The following KCNMA1 variants were observed in gnomAD, a reference collection of about 807,000 sequenced individuals.
KCNMA1 encodes the protein potassium calcium-activated channel subfamily M alpha 1.
In KCNMA1, 29 loss-of-function variants were observed where a neutral mutation model predicts 140.0. The ratio of observed to expected loss-of-function variants is 0.21; its 90% confidence interval spans 0.15 to 0.28. The LOEUF (loss-of-function observed/expected upper bound fraction) is 0.28, where lower values mean the gene tolerates loss of function less well. Ranked by LOEUF, KCNMA1 falls within the 10% of genes least tolerant of loss-of-function variation. The pLI is 1.00. For synonymous variants in KCNMA1, 612 were observed against 611.9 expected, an observed-to-expected ratio of 1.00 and a Z score of 0.00; for missense variants, 880 against 1,602.2, an observed-to-expected ratio of 0.55 and a Z score of 7.70.
intron 1 of KCNMA1, among the ~76,000 whole-genome samples, chr10:77,599,786 G>A (rs924294310): frequency 1.3e-5 from 2 of 152,070 alleles, no homozygotes; most frequent in Non-Finnish European, 2.9e-5. Context: ...GCCTTTCAGG[G>A]TCAGGAGGAA....
At chr10:77,393,998 A>T (rs1445752802) in intron 2 of KCNMA1, among the ~76,000 whole-genome samples, 1 of 152,204 alleles carries the variant, frequency 6.6e-6, no homozygotes, top group Non-Finnish European at 1.5e-5. Flanking sequence ...TCTGTATACT[A>T]GGGAACACCA....
chr10:77,167,790 C>A lies in KCNMA1; in HGVS notation c.808+15631G>T, dbSNP rs2098659991. Among the ~76,000 whole-genome samples the A allele has an allele frequency of 2.0e-5, 3 of 151,816 alleles. No individual in the cohort carries two copies. The South Asian group carries it at 6.2e-4, about 32-fold the overall frequency. ...TGCAGCCTCGACTTCCTCGAGCAAT[C>A]CTTCCACCTCAGCCCCCAAATAGCA... is the stretch of plus-strand genomic sequence containing the variant. On this transcript the variant is annotated intron_variant, in intron 5 of 27. Coordinates refer to ENST00000286628, the MANE Select transcript of KCNMA1 (RefSeq NM_001161352.2).
At chr10:77,614,346 G>A (rs2088433473) in intron 1 of KCNMA1, among the ~76,000 whole-genome samples, 1 of 152,122 alleles carries the variant, frequency 6.6e-6, no homozygotes, top group Non-Finnish European at 1.5e-5. Flanking sequence ...GAAGATGTAT[G>A]TCCTGTCTCA....
intron 5 of KCNMA1, among the ~76,000 whole-genome samples, chr10:77,127,669 G>A (rs979690952): frequency 6.6e-6 from 1 of 151,896 alleles, no homozygotes; most frequent in African/African-American, 2.4e-5. Flanking sequence ...GGGAGAGAAC[G>A]AGGGTAAGAA....
chr10:77,211,769 C>T (rs2046151844), intron 3 of KCNMA1, among the ~76,000 whole-genome samples: 1 of 151,944 alleles, frequency 6.6e-6, no homozygotes, highest in Non-Finnish European at 1.5e-5. Flanking sequence ...CAAATAATCC[C>T]ACTAAAAAAT....
At chr10:77,490,188 A>G (rs1211919838) in intron 1 of KCNMA1, among the ~76,000 whole-genome samples, 1 of 152,160 alleles carries the variant, frequency 6.6e-6, no homozygotes, top group East Asian at 1.9e-4. Context: ...GGCTCCCACC[A>G]CTTTTAACAG....
chr10:77,225,227 G>T (rs968464870), intron 3 of KCNMA1, among the ~76,000 whole-genome samples: 5 of 152,190 alleles, frequency 3.3e-5, no homozygotes, highest in African/African-American at 4.8e-5. Flanking sequence ...ATGGCCAGGG[G>T]AGACTGGGCA....
At chr10:77,338,109 G>T (rs955091580) in intron 2 of KCNMA1, among the ~76,000 whole-genome samples, 1 of 152,200 alleles carries the variant, frequency 6.6e-6, no homozygotes, top group African/African-American at 2.4e-5. Flanking sequence ...TGTAAGGGAA[G>T]GGGTGAGTGA....
intron 20 of KCNMA1, among the ~76,000 whole-genome samples, chr10:76,956,035 T>C (rs2068139813): frequency 6.6e-6 from 1 of 152,096 alleles, no homozygotes. Flanking sequence ...AGAACTATGT[T>C]CCCATAATAT....
At chr10:77,483,578 C>T (rs991921728) in intron 1 of KCNMA1, among the ~76,000 whole-genome samples, 9 of 152,182 alleles carry the variant, frequency 5.9e-5, no homozygotes, top group Non-Finnish European at 1.3e-4. Flanking sequence ...ACTGGGCCCT[C>T]AGTACTCTCA....
At chr10:76,966,456 AC>A (rs2073958192) in intron 20 of KCNMA1, among the ~76,000 whole-genome samples, 1 of 152,174 alleles carries the variant, frequency 6.6e-6, no homozygotes, top group Admixed American at 6.5e-5. Flanking sequence ...GATCAAGTGT[AC>A]TTTTTATTTT....
intron 26 of KCNMA1, among the ~76,000 whole-genome samples, chr10:76,890,805 G>T (rs1212257601): frequency 6.6e-6 from 1 of 152,212 alleles, no homozygotes; most frequent in Non-Finnish European, 1.5e-5. Flanking sequence ...GAATCAGAAG[G>T]GAGACGCTGG....
intron 1 of KCNMA1, among the ~76,000 whole-genome samples, chr10:77,450,705 A>G (rs1030327547): frequency 1.6e-4 from 25 of 152,286 alleles, no homozygotes; most frequent in Non-Finnish European, 2.8e-4. Flanking sequence ...GACCCACCCA[A>G]AGAGTCATAC....
intron 1 of KCNMA1, among the ~76,000 whole-genome samples, chr10:77,485,224 C>T (rs1360468417): frequency 1.3e-5 from 2 of 152,208 alleles, no homozygotes; most frequent in East Asian, 3.8e-4. Flanking sequence ...CCATATGGTG[C>T]TCATATTACA....
intron 3 of KCNMA1, among the ~76,000 whole-genome samples, chr10:77,224,772 T>C (rs947292294): frequency 6.6e-6 from 1 of 152,186 alleles, no homozygotes; most frequent in Non-Finnish European, 1.5e-5. Flanking sequence ...ACTTAGTTAA[T>C]CTGCACCCTA....
intron 1 of KCNMA1, among the ~76,000 whole-genome samples, chr10:77,575,813 C>T (rs2073881237): frequency 6.6e-6 from 1 of 152,234 alleles, no homozygotes; most frequent in Admixed American, 6.5e-5. Context: ...ATCGATCTCA[C>T]TGGTGCCTCA....
At chr10:77,563,544 G>C (rs1361650051) in intron 1 of KCNMA1, among the ~76,000 whole-genome samples, 2 of 151,762 alleles carry the variant, frequency 1.3e-5, no homozygotes, top group Non-Finnish European at 2.9e-5. Context: ...GTCCCTCCCA[G>C]CCCTAGCCCC....
chr10:77,418,657 GAA>G (rs1433622613), intron 1 of KCNMA1, among the ~76,000 whole-genome samples: 1 of 152,182 alleles, frequency 6.6e-6, no homozygotes, highest in Admixed American at 6.5e-5. Flanking sequence ...GTTGGATCCA[GAA>G]AAAGAGCCAA....
chr10:77,515,482 A>T (rs1031361032), intron 1 of KCNMA1, among the ~76,000 whole-genome samples: 3 of 152,058 alleles, frequency 2.0e-5, no homozygotes, highest in Non-Finnish European at 4.4e-5. Flanking sequence ...AATTCTGGGG[A>T]GCACGTTCAG....
Sources: allele counts gnomAD v4.1 joint callset (sites outside exome capture counted in the v4.1 genomes callset), GRCh38; gene constraint gnomAD v4.1.1; transcripts MANE v1.5; gene names NCBI Gene and HGNC (gene_info 2026-07-23, HGNC 2026-07-21).